KANK1: variants seen among roughly 807,000 people sequenced by gnomAD.
KANK1 encodes the protein KN motif and ankyrin repeat domain-containing protein 1.
KANK1 carries 109 observed loss-of-function variants against 106.2 expected under a neutral mutation model. The observed-to-expected ratio is 1.03, with a 90% CI of 0.88 to 1.20. KANK1 has a LOEUF of 1.20. Among genes scored for constraint, KANK1 ranks in the 50% most tolerant of loss-of-function variants. The pLI is 0.00. For synonymous variants in KANK1, 873 were observed against 652.2 expected (o/e 1.34, Z -5.16); for missense variants, 2,399 against 1,710.7 (o/e 1.40, Z -7.10).
chr9:645,248 C>T (rs967726238), intron 1 of KANK1, among the ~76,000 whole-genome samples: 5 of 149,644 alleles, frequency 3.3e-5, no homozygotes, highest in African/African-American at 5.1e-5. Flanking sequence ...CAAGATCAGC[C>T]TGGCCAACAT....
chr9:505,260 C>T (rs1462132524), intron 1 of KANK1, among the ~76,000 whole-genome samples: 3 of 152,144 alleles, frequency 2.0e-5, no homozygotes, highest in East Asian at 1.9e-4. Flanking sequence ...CGGTCAAGAC[C>T]CCTTTATCCT....
Position 740,809 on chromosome 9 carries a change from C to T in KANK1, c.3571C>T (p.His1191Tyr), listed in dbSNP as rs774431089. Residue 1191 changes from histidine (H) to tyrosine (Y), a missense_variant, in exon 9 of 12, where the codon CAC becomes TAC. Physicochemically the swap from His to Tyr is moderately conservative, Grantham distance 83. Transcript: ENST00000382297. ...TTTTACAGATGTGTGTAATGTGGAT[C>T]ACCAGAACAAGGCAGGCTACACCCC... ...LLDADVCNVD[H>Y]QNKAGYTPIM... The T allele has an allele frequency of 1.1e-5, 17 of 1,609,676 alleles. No individual in the cohort carries two copies. Among genetic ancestry groups the T allele is most frequent in the Non-Finnish European group, 4.2e-6 (5 of 1,178,148 alleles).
intron 1 of KANK1, among the ~76,000 whole-genome samples, chr9:561,602 T>C (rs1816462055): frequency 6.6e-6 from 1 of 152,256 alleles, no homozygotes; most frequent in Non-Finnish European, 1.5e-5. Flanking sequence ...TGAATACTTA[T>C]TGCCAAACTG....
intron 1 of KANK1, among the ~76,000 whole-genome samples, chr9:618,934 A>G (rs1357769538): frequency 6.6e-6 from 1 of 152,196 alleles, no homozygotes; most frequent in East Asian, 1.9e-4. Flanking sequence ...AAAAATAGAA[A>G]ATTAGAGAAA....
At chr9:514,242 T>TCCTTCCTTCCTCCCTCCGTCCCTC (rs2059181021) in intron 1 of KANK1, among the ~76,000 whole-genome samples, 2 of 83,324 alleles carry the variant, frequency 2.4e-5, no homozygotes, top group East Asian at 5.3e-4. Flanking sequence ...CTCCCTCCCT[T>TCCTTCCTTCCTCCCTCCGTCCCTC]CCTTCCTTCC....
chr9:618,166 G>A lies in KANK1; in HGVS notation c.-83-58724G>A, dbSNP rs117995877. Among the ~76,000 whole-genome samples the A allele has an allele frequency of 9.4e-3, 1,427 of 152,204 alleles. 15 individuals are homozygous for A. Among genetic ancestry groups the A allele is most frequent in the Middle Eastern group, 0.065 (19 of 294 alleles). The stretch of plus-strand genomic sequence containing the variant: ...AAAGCCCATGTAATATAAAATTATG[G>A]CATTCATTGAAGAAAATACAGGCTA... On this transcript the variant is annotated intron_variant, in intron 1 of 11. Transcript: ENST00000382297.
intron 1 of KANK1, among the ~76,000 whole-genome samples, chr9:559,649 G>A (rs796119680): frequency 1.6e-4 from 25 of 152,266 alleles, no homozygotes; most frequent in African/African-American, 4.6e-4. Context: ...GACGGGAGAA[G>A]GGTGAAAAAG....
intron 3 of KANK1, among the ~76,000 whole-genome samples, chr9:486,645 A>G (rs1410042307): frequency 6.6e-6 from 1 of 152,202 alleles, no homozygotes; most frequent in African/African-American, 2.4e-5. Flanking sequence ...TATAAATAAA[A>G]ATTAATCTAA....
intron 1 of KANK1, among the ~76,000 whole-genome samples, chr9:531,604 G>C (rs150239010): frequency 2.0e-5 from 3 of 152,194 alleles, no homozygotes; most frequent in South Asian, 2.1e-4. Flanking sequence ...CATTTGAGAT[G>C]CAACTCTTGG....
chr9:593,606 CA>C (rs1300322278), intron 1 of KANK1, among the ~76,000 whole-genome samples: 10 of 151,750 alleles, frequency 6.6e-5, no homozygotes. Flanking sequence ...GATGTTTTCA[CA>C]GGGCTTTAAA....
chr9:595,826 GAGA>G (rs1377967553), intron 1 of KANK1, among the ~76,000 whole-genome samples: 1 of 151,920 alleles, frequency 6.6e-6, no homozygotes, highest in Non-Finnish European at 1.5e-5. Context: ...CCAGCCTCAT[GAGA>G]AGATTTATGA....
chr9:597,353 C>G (rs1826470882), intron 1 of KANK1, among the ~76,000 whole-genome samples: 1 of 151,822 alleles, frequency 6.6e-6, no homozygotes. Flanking sequence ...TCCAATTTTT[C>G]CATATCCTTG....
intron 1 of KANK1, among the ~76,000 whole-genome samples, chr9:516,753 A>T (rs1178647696): frequency 6.6e-6 from 1 of 151,646 alleles, no homozygotes; most frequent in Non-Finnish European, 1.5e-5. Context: ...ATGAATATGG[A>T]TCATTTTATC....
At chr9:575,809 G>A (rs1820400187) in intron 1 of KANK1, among the ~76,000 whole-genome samples, 1 of 152,180 alleles carries the variant, frequency 6.6e-6, no homozygotes, top group Non-Finnish European at 1.5e-5. Context: ...GATCACTTGA[G>A]GTCAGGAGTT....
intron 1 of KANK1, 31 bp downstream of exon 1, chr9:504,785 C>G (rs1349975729): frequency 1.3e-5 from 2 of 148,646 alleles, no homozygotes; most frequent in Non-Finnish European, 3.0e-5. Flanking sequence ...GTGCCGCGCC[C>G]CGTGCCGCGG....
In KANK1 at chr9:628,316, T is replaced by A. The variant is rs1163087148; in HGVS notation, c.-83-48574T>A. On this transcript the variant is annotated intron_variant, in intron 1 of 11. Coordinates refer to ENST00000382297, the MANE Select transcript of KANK1 (RefSeq NM_015158.5). ...GGTAACTTGTCAGACCTCATCTTGT[T>A]TTTGAGACTTTGGTTTCTGTCTTGC... Among the ~76,000 whole-genome samples the A allele has an allele frequency of 3.3e-5, 5 of 152,318 alleles. 1 individual carries two copies. Among genetic ancestry groups the A allele is most frequent in the African/African-American group, 1.2e-4 (5 of 41,556 alleles).
intron 2 of KANK1, among the ~76,000 whole-genome samples, chr9:709,862 C>T (rs1170022079): frequency 1.3e-5 from 2 of 152,140 alleles, no homozygotes; most frequent in African/African-American, 4.8e-5. Context: ...GGTGATCCAC[C>T]CGCCTTGGCC....
chr9:602,328 T>G (rs910521168), intron 1 of KANK1, among the ~76,000 whole-genome samples: 2 of 151,744 alleles, frequency 1.3e-5, no homozygotes, highest in Admixed American at 1.3e-4. Flanking sequence ...GGTGTGGTCT[T>G]GGCTCACTGC....
chr9:543,632 G>C (rs1360031416), intron 1 of KANK1, among the ~76,000 whole-genome samples: 6 of 151,706 alleles, frequency 4.0e-5, no homozygotes, highest in Middle Eastern at 3.5e-3. Context: ...GTCCTTCTAC[G>C]GAAGTCAGTA....
Sources: allele counts gnomAD v4.1 joint callset (sites outside exome capture counted in the v4.1 genomes callset), GRCh38; gene constraint gnomAD v4.1.1; transcripts MANE v1.5; gene names NCBI Gene and HGNC (gene_info 2026-07-23, HGNC 2026-07-21).